The following HEXA variants were observed in gnomAD, a reference collection of about 807,000 sequenced individuals.
HEXA encodes beta-hexosaminidase subunit alpha.
In HEXA, 54 loss-of-function variants were observed where a neutral mutation model predicts 73.3. That is an observed-to-expected ratio of 0.74 (90% CI 0.59 to 0.92). The LOEUF (loss-of-function observed/expected upper bound fraction) is 0.92. Among genes scored for constraint, HEXA ranks in the 40% least tolerant of loss-of-function variants. The pLI, the probability that HEXA is intolerant of heterozygous loss-of-function variation, is 0.00. For synonymous variants in HEXA, 230 were observed against 246.9 expected (o/e 0.93, Z 0.64); for missense variants, 649 against 653.0 (o/e 0.99, Z 0.07).
At chr15:72,370,397 T>C (rs2088973960) in intron 1 of HEXA, 2 of 380,610 alleles carry the variant, frequency 5.3e-6, no homozygotes, top group East Asian at 3.8e-5. Context: ...ACTAGAAAAG[T>C]ATCATGCTTT....
At chr15:72,364,759 T>TA (rs1277463525) in intron 1 of HEXA, among the ~76,000 whole-genome samples, 3 of 151,856 alleles carry the variant, frequency 2.0e-5, no homozygotes, top group Admixed American at 6.5e-5. Context: ...CAGCTGGATT[T>TA]AAAAAAACAC....
chr15:72,348,007 G>A lies in HEXA; in HGVS notation c.1073+41C>T, dbSNP rs367719010. 4.7e-4 allele frequency: 642 copies of A among 1,373,776 alleles called. 1 individual carries two copies. The highest frequency in any genetic ancestry group is 6.7e-4 in the South Asian group (57 of 85,618). The allele number at this position is 1,373,776 out of a possible 1,614,324, so 85.1% of individuals were successfully genotyped here. On this transcript the variant is annotated intron_variant, in intron 9 of 13. Coordinates refer to ENST00000268097, the MANE Select transcript of HEXA (RefSeq NM_000520.6). ...TATGGAAAGGGAGGACCCCACAGGA[G>A]GACCCCCAAGGGACCCCACCCACCC... is the stretch of plus-strand genomic sequence containing the variant.
chr15:72,364,848 G>A (rs1002515552), intron 1 of HEXA, among the ~76,000 whole-genome samples: 1 of 146,332 alleles, frequency 6.8e-6, no homozygotes, highest in Non-Finnish European at 1.5e-5. Flanking sequence ...TAGAGACAGG[G>A]TCTTGCTCTG....
At chr15:72,345,399 CTGGA>C in intron 13 of HEXA, 43 bp downstream of exon 13, 1 of 1,612,812 alleles carries the variant, frequency 6.2e-7, no homozygotes. Flanking sequence ...TTCCCCAGCC[CTGGA>C]TCTGGCCTGC....
chr15:72,353,520 C>G (rs922777291), intron 4 of HEXA, among the ~76,000 whole-genome samples, 171 bp downstream of exon 4: 1 of 152,222 alleles, frequency 6.6e-6, no homozygotes, highest in Non-Finnish European at 1.5e-5. Context: ...TGATTCCAAA[C>G]AGACCAAATC....
intron 10 of HEXA, 143 bp from the exon 11 acceptor site, chr15:72,346,853 T>C: frequency 2.5e-6 from 2 of 808,324 alleles, no homozygotes; most frequent in Non-Finnish European, 2.1e-6. Context: ...CTCCTGACCA[T>C]TGAGCTCACA....
chr15:72,356,475 C>T, intron 2 of HEXA, 50 bp downstream of exon 2: 2 of 1,606,164 alleles, frequency 1.2e-6, no homozygotes, highest in Non-Finnish European at 1.7e-6. Flanking sequence ...AGAGTTACAG[C>T]TTCAGACAAG....
At chr15:72,360,312 A>G (rs942933705) in intron 1 of HEXA, 3 of 152,458 alleles carry the variant, frequency 2.0e-5, no homozygotes, top group Non-Finnish European at 2.9e-5. Context: ...AAAATCTTCT[A>G]TCTCCATCAT....
intron 2 of HEXA, 78 bp downstream of exon 2, chr15:72,356,447 G>T: frequency 1.3e-6 from 2 of 1,527,876 alleles, no homozygotes. Flanking sequence ...AGCATCAGCA[G>T]TTTAGGCCAG....
In HEXA at chr15:72,353,062, G is replaced by T; in HGVS notation, c.570+6C>A. On this transcript the variant is annotated splice_donor_region_variant and intron_variant, in intron 5 of 13. Coordinates refer to ENST00000268097, the MANE Select transcript of HEXA (RefSeq NM_000520.6). ...AAGTGTGAAGAAGGCCTTAAGGCCT[G>T]GTTACCAGAGTGTCCAGGATGCTAG... 6.4e-7 allele frequency: 1 copy of T among 1,569,454 alleles called. No individual in the cohort carries two copies. The highest frequency in any genetic ancestry group is 2.2e-5 in the East Asian group (1 of 44,688).
chr15:72,357,846 G>A (rs2140329945), intron 1 of HEXA: 1 of 152,012 alleles, frequency 6.6e-6, no homozygotes, highest in East Asian at 1.9e-4. Flanking sequence ...CCAATAAGGG[G>A]GCCTTTCCTA....
At chr15:72,361,131 G>A (rs183828552) in intron 1 of HEXA, among the ~76,000 whole-genome samples, 53 of 152,290 alleles carry the variant, frequency 3.5e-4, no homozygotes, top group African/African-American at 1.3e-3. Context: ...CTATGTGCCA[G>A]GGTGTTGTAA....
intron 1 of HEXA, among the ~76,000 whole-genome samples, chr15:72,374,067 C>T (rs146809330): frequency 6.8e-6 from 1 of 147,620 alleles, no homozygotes; most frequent in African/African-American, 2.4e-5. Context: ...AGGAAACAAC[C>T]TATAAAGCTT....
intron 12 of HEXA, 64 bp from the exon 13 acceptor site, chr15:72,345,614 A>C: frequency 6.3e-7 from 1 of 1,596,534 alleles, no homozygotes; most frequent in Non-Finnish European, 8.5e-7. Context: ...CTGGACATCC[A>C]CAGGCTGCTA....
rs1309395297 is a variant in HEXA, at chr15:72,342,661, ACCGCCCACCT to A, written c.*1406_*1415del. 1 of 152,184 alleles carries A rather than the reference ACCGCCCACCT, an allele frequency of 6.6e-6. No homozygotes were observed. Among genetic ancestry groups the A allele is most frequent in the Non-Finnish European group, 1.5e-5 (1 of 68,068 alleles). The allele number at this position is 152,184 out of a possible 1,614,324, so 9.4% of individuals were successfully genotyped here. A position where few individuals can be genotyped will look rare whatever the true frequency, so the allele number is the denominator to read the frequency against. Reference sequence around the variant, plus strand: ...ACCTGCAAAGACCCTCTCCAGAGCCACCGCCCACCTCCGCGCAGCCATCCATTCCCTGCGA... The same window carrying A: ...ACCTGCAAAGACCCTCTCCAGAGCCACCGCGCAGCCATCCATTCCCTGCGA... On this transcript the variant is annotated 3_prime_UTR_variant, in exon 14 of 14. Transcript: ENST00000268097.
intron 6 of HEXA, 119 bp from the exon 7 acceptor site, chr15:72,350,769 G>T: frequency 9.1e-7 from 1 of 1,094,752 alleles, no homozygotes; most frequent in Non-Finnish European, 1.4e-6. Flanking sequence ...GCCCTTTGGT[G>T]TCAGGGACTA....
intron 1 of HEXA, among the ~76,000 whole-genome samples, chr15:72,368,518 C>T (rs998685580): frequency 1.3e-5 from 2 of 152,180 alleles, no homozygotes; most frequent in African/African-American, 4.8e-5. Context: ...AAGTGCCAGA[C>T]AATAAATGCT....
At chr15:72,359,348 C>T (rs900220188) in intron 1 of HEXA, 2 of 152,186 alleles carry the variant, frequency 1.3e-5, no homozygotes, top group African/African-American at 4.8e-5. Flanking sequence ...TTCATGTAAA[C>T]CTACTCTTCT....
In HEXA at chr15:72,349,270, A is replaced by G; in HGVS notation, c.806-11T>C. On this transcript the variant is annotated splice_polypyrimidine_tract_variant and intron_variant, in intron 7 of 13. Coordinates refer to ENST00000268097, the MANE Select transcript of HEXA (RefSeq NM_000520.6). ...GTAATCCAGGGATACCTAAGCCAAG[A>G]GAAAACCCCATATGAGTGTCACAAA... The G allele has an allele frequency of 6.2e-7, 1 of 1,611,482 alleles. No homozygotes were observed. Among genetic ancestry groups the G allele is most frequent in the Non-Finnish European group, 8.5e-7 (1 of 1,177,896 alleles).
Sources: gnomAD v4.1 joint callset for allele counts (sites outside exome capture counted in the v4.1 genomes callset) on GRCh38, gnomAD v4.1.1 for gene constraint, MANE v1.5 for transcripts, NCBI Gene and HGNC (gene_info 2026-07-23, HGNC 2026-07-21) for gene names.